Variants in USP9X observed in about 807,000 individuals in gnomAD.
USP9X encodes ubiquitin carboxyl-terminal hydrolase 9X.
USP9X carries 7 observed loss-of-function variants against 190.3 expected under a neutral mutation model. The observed-to-expected ratio is 0.04, with a 90% confidence interval of 0.02 to 0.07. The LOEUF (loss-of-function observed/expected upper bound fraction) is 0.07. Ranked by LOEUF, USP9X falls within the 10% of genes least tolerant of loss-of-function variation. The pLI, the probability that USP9X is intolerant of heterozygous loss-of-function variation, is 1.00. For synonymous variants in USP9X, 645 were observed against 659.5 expected, an observed-to-expected ratio of 0.98 and a Z score of 0.34; for missense variants, 1,010 against 1,916.9, an observed-to-expected ratio of 0.53 and a Z score of 8.83.
chrX:41,225,635 G>A (rs933777738), intron 41 of USP9X, among the ~76,000 whole-genome samples: 2 of 112,167 alleles, frequency 1.8e-5, no homozygotes, highest in African/African-American at 3.2e-5. Flanking sequence ...ATTACTCCTA[G>A]GAGGAAATAC....
chrX:41,221,388 A>C (rs1211592135), intron 38 of USP9X, among the ~76,000 whole-genome samples: 1 of 112,429 alleles, frequency 8.9e-6, no homozygotes, highest in African/African-American at 3.2e-5. Context: ...ATATAGAAGC[A>C]AATAATGTAG....
intron 10 of USP9X, 131 bp from the exon 11 acceptor site, chrX:41,144,391 G>C (rs941466602): frequency 1.9e-6 from 1 of 532,345 alleles, no homozygotes; most frequent in African/African-American, 2.4e-5. Context: ...GCTGTGTTAG[G>C]AATTTTCTTG....
intron 31 of USP9X, among the ~76,000 whole-genome samples, chrX:41,204,846 C>T (rs1364459514): frequency 8.1e-5 from 9 of 111,692 alleles, no homozygotes; most frequent in Non-Finnish European, 1.9e-5. Context: ...CAGAATTTAT[C>T]CCTGTCATTA....
intron 1 of USP9X, among the ~76,000 whole-genome samples, chrX:41,113,489 G>A (rs1315483097): frequency 8.9e-6 from 1 of 111,841 alleles, no homozygotes; most frequent in Non-Finnish European, 1.9e-5. Flanking sequence ...ATGAGCCACC[G>A]CGCCTGGCCA....
intron 15 of USP9X, 32 bp from the exon 16 acceptor site, chrX:41,165,840 A>C (rs2062674794): frequency 1.7e-6 from 2 of 1,175,954 alleles, no homozygotes; most frequent in Non-Finnish European, 2.3e-6. Flanking sequence ...AATTACATAA[A>C]TCTAATTGCC....
intron 21 of USP9X, among the ~76,000 whole-genome samples, chrX:41,178,359 C>G (rs980534948): frequency 2.7e-5 from 3 of 109,971 alleles, no homozygotes; most frequent in African/African-American, 9.9e-5. Flanking sequence ...CCTCGGCCTA[C>G]CAAAGTGCTA....
In USP9X at chrX:41,123,529, C is replaced by T. The variant is rs1352565021; in HGVS notation, c.-100C>T. On this transcript the variant is annotated 5_prime_UTR_variant, in exon 2 of 45. Coordinates refer to ENST00000378308, the MANE Select transcript of USP9X (RefSeq NM_001039591.3). ...TTGAATTGGACCTTTTTAAGACTGA[C>T]AAATGCTGGTACTTCATCTTCTATA... is the stretch of plus-strand genomic sequence containing the variant. 1.3e-5 allele frequency: 9 copies of T among 694,602 alleles called. No individual in the cohort carries two copies. Among genetic ancestry groups the T allele is most frequent in the Middle Eastern group, 3.0e-4 (1 of 3,363 alleles). The allele number at this position is 694,602 out of a possible 1,213,427, so 57.2% of individuals were successfully genotyped here.
intron 13 of USP9X, among the ~76,000 whole-genome samples, chrX:41,152,406 G>T (rs762220850): frequency 9.6e-4 from 107 of 111,854 alleles, no homozygotes; most frequent in African/African-American, 3.3e-3. Flanking sequence ...ATTGGTTTCA[G>T]TGAAGGTAGC....
Position 41,203,539 on chromosome X carries a change from C to T in USP9X, c.4825-1764C>T, listed in dbSNP as rs769340630. On this transcript the variant is annotated intron_variant, in intron 31 of 44. Coordinates refer to ENST00000378308, the MANE Select transcript of USP9X (RefSeq NM_001039591.3). ...ACATTTTCCTTATCCATTCATTTGT[C>T]GATGGACATTTGGGTTGCTTCCCCA... 1.8e-3 allele frequency among the ~76,000 whole-genome samples: 198 copies of T among 111,680 alleles called. 2 individuals carry two copies. The highest frequency in any genetic ancestry group is 9.2e-3 in the Middle Eastern group (2 of 218).
At position 41,177,987 on chromosome X, in the gene USP9X, C is replaced by T. The variant is rs760949364; in HGVS notation, c.3149-6011C>T. On this transcript the variant is annotated intron_variant, in intron 21 of 44. Transcript: ENST00000378308. ...TTCTGGTATGAGAAGATGTTTCAAGCTTATCTATAGTATTTCCTCTGCCCC... is the reference window on the plus strand; with the variant it reads ...TTCTGGTATGAGAAGATGTTTCAAGTTTATCTATAGTATTTCCTCTGCCCC... Among the ~76,000 whole-genome samples, 28 of 106,004 alleles carry T rather than the reference C, an allele frequency of 2.6e-4. No homozygotes were observed. The East Asian group carries it at 5.3e-3, about 20-fold the overall frequency. The allele number at this position is 106,004 out of a possible 115,157, so 92.1% of individuals were successfully genotyped here.
At chrX:41,112,239 G>GT (rs758459603) in intron 1 of USP9X, among the ~76,000 whole-genome samples, 1 of 112,461 alleles carries the variant, frequency 8.9e-6, no homozygotes, top group Non-Finnish European at 1.9e-5. Flanking sequence ...CAAAACAATT[G>GT]TAGGAATGGA....
chrX:41,210,887 C>T (rs1241777454), intron 33 of USP9X, among the ~76,000 whole-genome samples: 3 of 111,696 alleles, frequency 2.7e-5, no homozygotes, highest in Non-Finnish European at 1.9e-5. Flanking sequence ...TCCTTCTACT[C>T]TGCCTGATCT....
At chrX:41,187,615 A>G (rs1263477819) in intron 24 of USP9X, among the ~76,000 whole-genome samples, 1 of 112,366 alleles carries the variant, frequency 8.9e-6, no homozygotes, top group Non-Finnish European at 1.9e-5. Flanking sequence ...GTAAAGAGCT[A>G]GAGAACTTGG....
chrX:41,144,129 C>T (rs766956483), intron 10 of USP9X, among the ~76,000 whole-genome samples: 6 of 110,749 alleles, frequency 5.4e-5, no homozygotes, highest in Admixed American at 2.9e-4. Context: ...TTGTATGAAC[C>T]GCCAAAATAC....
chrX:41,121,128 C>T (rs7051239), intron 1 of USP9X, among the ~76,000 whole-genome samples: 21,147 of 109,965 alleles, frequency 0.19, 1,584 homozygotes, highest in Admixed American at 0.26. Flanking sequence ...GAATTACAGG[C>T]GTGAGCCACT....
intron 1 of USP9X, among the ~76,000 whole-genome samples, chrX:41,123,008 G>T (rs1459210766): frequency 1.8e-5 from 2 of 111,063 alleles, no homozygotes; most frequent in African/African-American, 6.5e-5. Flanking sequence ...CACGGGATAG[G>T]GGTGCGTGGC....
intron 36 of USP9X, 65 bp from the exon 37 acceptor site, chrX:41,218,307 C>T: frequency 1.9e-6 from 2 of 1,078,104 alleles, no homozygotes; most frequent in South Asian, 2.1e-5. Flanking sequence ...CAATGAGACT[C>T]ATCCTTTTAC....
At position 41,134,771 on chromosome X, in the gene USP9X, G is replaced by A. The variant is rs771667797; in HGVS notation, c.369G>A (p.Gly123=). ...CATGTCAGCGATTTTTCCGTGATGG[G>A]CTAACAATATCATTCACTAAAATTC... ...SEACQRFFRD[G]LTISFTKILT... Residue 123 remains glycine, a synonymous_variant, in exon 5 of 45, where the codon GGG becomes GGA. Transcript: ENST00000378308. The A allele has an allele frequency of 1.3e-5, 16 of 1,209,082 alleles. No individual in the cohort carries two copies. The highest frequency in any genetic ancestry group is 1.8e-5 in the Non-Finnish European group (16 of 894,689).
Position 41,189,347 on chromosome X carries a change from G to A in USP9X, c.3849G>A (p.Gln1283=), listed in dbSNP as rs776517659. 1.4e-5 allele frequency: 17 copies of A among 1,211,368 alleles called. No individual in the cohort carries two copies. The South Asian group carries it at 2.8e-4, about 20-fold the overall frequency. The change falls in exon 26 of 45, where the codon CAG becomes CAA. Residue 1283 remains glutamine (Q), a synonymous_variant. Coordinates refer to ENST00000378308, the MANE Select transcript of USP9X (RefSeq NM_001039591.3). ...ATGAGCCAGACTTGGAAGACGAACA[G>A]GTTTGCTGTGAAGCATTGGAAGTGA... The part of the protein sequence containing the change: ...AGNEPDLEDE[Q]VCCEALEVMT...
Sources: allele counts gnomAD v4.1 joint callset (sites outside exome capture counted in the v4.1 genomes callset), GRCh38; gene constraint gnomAD v4.1.1; transcripts MANE v1.5; gene names NCBI Gene and HGNC (gene_info 2026-07-23, HGNC 2026-07-21).